The following PKP2 variants were observed in gnomAD, a reference collection of about 807,000 sequenced individuals.
PKP2 encodes plakophilin-2.
PKP2 carries 73 observed loss-of-function variants against 83.4 expected under a neutral mutation model. The observed-to-expected ratio is 0.88, with a 90% confidence interval of 0.72 to 1.06. The LOEUF is 1.06. Ranked by LOEUF, PKP2 falls within the 50% of genes least tolerant of loss-of-function variation. PKP2 has a pLI of 0.00. For missense variants in PKP2, 966 were observed against 1,065.4 expected, an observed-to-expected ratio of 0.91 and a Z score of 1.30; for synonymous variants, 409 against 430.4, an observed-to-expected ratio of 0.95 and a Z score of 0.62.
chr12:32,896,638 G>A lies in PKP2; in HGVS notation c.94C>T (p.Leu32=). The A allele has an allele frequency of 6.3e-7, 1 of 1,575,368 alleles. No homozygotes were observed. The highest frequency in any genetic ancestry group is 8.5e-7 in the Non-Finnish European group (1 of 1,170,058). The stretch of plus-strand genomic sequence containing the variant: ...AGCTTCAGCTTGGCCTCGGAGGGCA[G>A]CGCCAGGCTGGAGCTGTCCAGTTGT... ...LGQLDSSSLA[L]PSEAKLKLAG... is the part of the protein sequence containing the mutation. Residue 32 remains leucine, a synonymous_variant, in exon 1 of 13, where the codon CTG becomes TTG. Coordinates refer to ENST00000340811, the MANE Select transcript of PKP2 (RefSeq NM_001005242.3).
chr12:32,842,124 T>C (rs959959069), intron 5 of PKP2, among the ~76,000 whole-genome samples: 3 of 152,048 alleles, frequency 2.0e-5, no homozygotes, highest in Non-Finnish European at 2.9e-5. Flanking sequence ...ACGTTTAGGA[T>C]TTTTTTTGTT....
intron 6 of PKP2, among the ~76,000 whole-genome samples, chr12:32,834,911 C>T (rs528461731): frequency 2.1e-5 from 3 of 144,320 alleles, no homozygotes; most frequent in African/African-American, 7.8e-5. Context: ...GCCCTAGGAA[C>T]TGATACTATG....
At chr12:32,830,367 G>A (rs1046154578) in intron 6 of PKP2, among the ~76,000 whole-genome samples, 7 of 152,168 alleles carry the variant, frequency 4.6e-5, no homozygotes, top group African/African-American at 1.7e-4. Flanking sequence ...AGAAAAACTC[G>A]ATGCCAAAAG....
intron 3 of PKP2, among the ~76,000 whole-genome samples, chr12:32,869,510 A>C (rs1352243598): frequency 6.6e-6 from 1 of 151,652 alleles, no homozygotes; most frequent in African/African-American, 2.4e-5. Context: ...GAGGCAGGAG[A>C]ATCACTTGAA....
chr12:32,813,537 TG>T (rs1264886436), intron 9 of PKP2, among the ~76,000 whole-genome samples: 1 of 152,122 alleles, frequency 6.6e-6, no homozygotes, highest in Non-Finnish European at 1.5e-5. Context: ...TCCAGCACTT[TG>T]GGAGGCTGAG....
intron 5 of PKP2, among the ~76,000 whole-genome samples, chr12:32,843,528 T>C (rs1159595320): frequency 1.3e-5 from 2 of 152,216 alleles, no homozygotes; most frequent in African/African-American, 2.4e-5. Flanking sequence ...CTTAAACAGT[T>C]TGCTTCTGCT....
Position 32,896,556 on chromosome 12 carries a change from T to G in PKP2, c.176A>C (p.Gln59Pro). Residue 59 changes from glutamine (Q) to proline (P), a missense_variant, in exon 1 of 13, where the codon CAG becomes CCG. Coordinates refer to ENST00000340811, the MANE Select transcript of PKP2 (RefSeq NM_001005242.3). Reference protein sequence around the residue: ...QTVKSLRIQEQVQQTLARKGR... With the variant: ...QTVKSLRIQEPVQQTLARKGR... ...CTTCCGGGCGAGGGTCTGCTGCACC[T>G]GCTCCTGGATCCGCAGGCTCTTGAC... is the stretch of plus-strand genomic sequence containing the variant. 1 of 1,588,018 alleles carries G rather than the reference T, an allele frequency of 6.3e-7. No homozygotes were observed. The highest frequency in any genetic ancestry group is 8.5e-7 in the Non-Finnish European group (1 of 1,175,074).
intron 11 of PKP2, among the ~76,000 whole-genome samples, chr12:32,793,817 G>A (rs550924208): frequency 1.1e-4 from 16 of 151,790 alleles, no homozygotes; most frequent in Non-Finnish European, 1.9e-4. Context: ...GGGTGGTCTC[G>A]ATCTCCTGAC....
At chr12:32,833,072 G>A (rs1469974987) in intron 6 of PKP2, among the ~76,000 whole-genome samples, 3 of 152,018 alleles carry the variant, frequency 2.0e-5, no homozygotes, top group Non-Finnish European at 2.9e-5. Context: ...GTGAAACCCC[G>A]TCTCTACTAA....
chr12:32,837,295 A>G (rs1956552152), intron 6 of PKP2, among the ~76,000 whole-genome samples: 1 of 152,236 alleles, frequency 6.6e-6, no homozygotes, highest in Non-Finnish European at 1.5e-5. Context: ...AGCTTCCGGC[A>G]TTTGAGTTTC....
intron 9 of PKP2, among the ~76,000 whole-genome samples, chr12:32,811,716 A>T (rs1370953859): frequency 6.6e-6 from 1 of 152,226 alleles, no homozygotes; most frequent in Non-Finnish European, 1.5e-5. Context: ...AATCAGTTTC[A>T]GCACAGAACT....
At chr12:32,871,279 A>T (rs1377479250) in intron 3 of PKP2, among the ~76,000 whole-genome samples, 1 of 151,930 alleles carries the variant, frequency 6.6e-6, no homozygotes, top group East Asian at 1.9e-4. Flanking sequence ...GACTCAATTC[A>T]AGTATCTTCA....
chr12:32,879,070 A>C (rs1956962901), intron 1 of PKP2, 38 bp from the exon 2 acceptor site: 1 of 1,039,668 alleles, frequency 9.6e-7, no homozygotes, highest in African/African-American at 1.6e-5. Context: ...TCAGAATACA[A>C]GTAGGCTAAT....
rs147240502 is a variant in PKP2 at position 32,841,124 on chromosome 12, A to C, written c.1460T>G (p.Ile487Ser). 4.1e-3 allele frequency: 6,604 copies of C among 1,612,890 alleles called. 33 individuals carry two copies. Among genetic ancestry groups the C allele is most frequent in the Non-Finnish European group, 4.1e-3 (4,882 of 1,178,924 alleles). Residue 487 changes from isoleucine (I) to serine (S), a missense_variant, in exon 6 of 13, where the codon ATC (isoleucine) becomes AGC (serine). Physicochemically the swap from Ile to Ser is moderately radical, Grantham distance 142. Transcript: ENST00000340811. Reference protein sequence around the residue: ...TEALLTLTENIIIPFSGWPEG... With the variant: ...TEALLTLTENSIIPFSGWPEG... ...AGGCCACCCAGAAAAGGGGATGATG[A>C]TATTCTCCGTCAGCGTAAGCAATGC...
chr12:32,895,158 G>C (rs1957110746), intron 1 of PKP2, among the ~76,000 whole-genome samples: 1 of 151,964 alleles, frequency 6.6e-6, no homozygotes, highest in East Asian at 1.9e-4. Flanking sequence ...TGTAAAATGA[G>C]GATGAAAATA....
At chr12:32,850,605 G>A (rs772753967) in intron 5 of PKP2, among the ~76,000 whole-genome samples, 161 bp downstream of exon 5, 1 of 151,912 alleles carries the variant, frequency 6.6e-6, no homozygotes, top group Non-Finnish European at 1.5e-5. Context: ...CTCAAATCTG[G>A]AGTCTAAGCC....
rs1591836238 is a variant in PKP2, at chr12:32,896,764, G to T, written c.-33C>A. ...GTGGGGGCGACCGAGCTGCTCGCCT[G>T]CCTCTGGACTCGCGGGCGAAGCCGC... is the stretch of plus-strand genomic sequence containing the variant. On this transcript the variant is annotated 5_prime_UTR_variant, in exon 1 of 13. Coordinates refer to ENST00000340811, the MANE Select transcript of PKP2 (RefSeq NM_001005242.3). 1 of 1,189,836 alleles carries T rather than the reference G, an allele frequency of 8.4e-7. No homozygotes were observed. The highest frequency in any genetic ancestry group is 1.1e-6 in the Non-Finnish European group (1 of 894,978). The allele number at this position is 1,189,836 out of a possible 1,614,324, so 73.7% of individuals were successfully genotyped here.
At chr12:32,832,398 T>G (rs1219437869) in intron 6 of PKP2, among the ~76,000 whole-genome samples, 2 of 151,840 alleles carry the variant, frequency 1.3e-5, no homozygotes, top group African/African-American at 4.8e-5. Flanking sequence ...AAAAAAAAAT[T>G]TACAAAGTAA....
intron 6 of PKP2, among the ~76,000 whole-genome samples, chr12:32,824,650 C>A (rs1033340774): frequency 6.6e-6 from 1 of 152,152 alleles, no homozygotes; most frequent in Non-Finnish European, 1.5e-5. Flanking sequence ...TCAGTATAAA[C>A]TGTTATTGAC....
Sources: gnomAD v4.1 joint callset for allele counts (sites outside exome capture counted in the v4.1 genomes callset) on GRCh38, gnomAD v4.1.1 for gene constraint, MANE v1.5 for transcripts, NCBI Gene and HGNC (gene_info 2026-07-23, HGNC 2026-07-21) for gene names.